The following EIF4ENIF1 variants were observed in gnomAD, a reference collection of about 807,000 sequenced individuals.
The protein encoded by EIF4ENIF1 is eukaryotic translation initiation factor 4E nuclear import factor 1.
Under a neutral mutation model 110.5 loss-of-function variants are expected in EIF4ENIF1, and 23 were observed. The observed-to-expected ratio is 0.21, with a 90% confidence interval of 0.15 to 0.29. The LOEUF (loss-of-function observed/expected upper bound fraction) is 0.29. EIF4ENIF1 is among the 10% of genes least tolerant of loss of function. The pLI is 1.00. For synonymous variants in EIF4ENIF1, 440 were observed against 437.0 expected, an observed-to-expected ratio of 1.01 and a Z score of -0.09; for missense variants, 1,031 against 1,221.1, an observed-to-expected ratio of 0.84 and a Z score of 2.32.
intron 10 of EIF4ENIF1, chr22:31,450,843 C>CA (rs1569073447): frequency 0.053 from 5,090 of 96,224 alleles, 101 homozygotes; most frequent in African/African-American, 0.081. Flanking sequence ...TATATATATA[C>CA]TACACACACA....
intron 2 of EIF4ENIF1, among the ~76,000 whole-genome samples, chr22:31,487,206 A>G (rs779616809): frequency 1.3e-5 from 2 of 152,238 alleles, no homozygotes; most frequent in Non-Finnish European, 2.9e-5. Context: ...GGTTTGAGAG[A>G]AAATATATTT....
intron 2 of EIF4ENIF1, among the ~76,000 whole-genome samples, chr22:31,485,415 A>G (rs2051980715): frequency 6.6e-6 from 1 of 152,242 alleles, no homozygotes; most frequent in Non-Finnish European, 1.5e-5. Flanking sequence ...GTAAGCATAA[A>G]GATAGAAACA....
intron 4 of EIF4ENIF1, among the ~76,000 whole-genome samples, chr22:31,464,372 A>C (rs1208154776): frequency 6.6e-6 from 1 of 152,048 alleles, no homozygotes; most frequent in Non-Finnish European, 1.5e-5. Context: ...TCCACAGACA[A>C]AGAAATGAAC....
In EIF4ENIF1 at chr22:31,455,866, A is replaced by G; in HGVS notation, c.1085T>C (p.Leu362Pro). The G allele has an allele frequency of 6.2e-7, 1 of 1,614,182 alleles. No homozygotes were observed. Among genetic ancestry groups the G allele is most frequent in the Non-Finnish European group, 8.5e-7 (1 of 1,180,018 alleles). ...AGCCATTTTACCTGCAAGTCTCTCTAGCTCTTCATGTGGTGTTGACCCAAG... is the reference window on the plus strand; with the variant it reads ...AGCCATTTTACCTGCAAGTCTCTCTGGCTCTTCATGTGGTGTTGACCCAAG... Reference protein sequence around the residue: ...SSLGSTPHEELERLAGLEQAI... With the variant: ...SSLGSTPHEEPERLAGLEQAI... Residue 362 changes from leucine to proline, a missense_variant, in exon 8 of 19, where the codon CTA becomes CCA. Physicochemically the swap from Leu to Pro is moderately conservative, Grantham distance 98. Coordinates refer to ENST00000330125, the MANE Select transcript of EIF4ENIF1 (RefSeq NM_019843.4).
At position 31,468,209 on chromosome 22, in the gene EIF4ENIF1, A is replaced by C. The variant is rs2051254265; in HGVS notation, c.264T>G (p.Asp88Glu). The part of the protein sequence containing the change: ...SPVESLKKEL[D>E]TDRPSLVRRI... ...TGCGCACCAGGGAAGGCCGGTCTGT[A>C]TCCAACTCTTTCTTCAGACTTTCCA... The change falls in exon 4 of 19, where the codon GAT becomes GAG. Residue 88 changes from aspartate (D) to glutamate (E), a missense_variant. By Grantham distance (45) the Asp-to-Glu change is conservative (BLOSUM62 2). Around this residue, in one of 3 missense-constraint regions of EIF4ENIF1, gnomAD observed 704 missense variants for 879.7 expected, o/e 0.80. Transcript: ENST00000330125. The C allele has an allele frequency of 6.2e-7, 1 of 1,614,160 alleles. No homozygotes were observed. The highest frequency in any genetic ancestry group is 2.2e-5 in the East Asian group (1 of 44,880).
At chr22:31,485,253 C>T (rs1464518881) in intron 2 of EIF4ENIF1, among the ~76,000 whole-genome samples, 1 of 152,142 alleles carries the variant, frequency 6.6e-6, no homozygotes, top group Non-Finnish European at 1.5e-5. Flanking sequence ...CTAAAAAATG[C>T]TTTTAACCAG....
intron 6 of EIF4ENIF1, among the ~76,000 whole-genome samples, chr22:31,461,236 C>A (rs2050983705): frequency 6.6e-6 from 1 of 152,172 alleles, no homozygotes; most frequent in South Asian, 2.1e-4. Context: ...CCAGGTTAGT[C>A]CCCACCTGGC....
At chr22:31,470,704 T>G (rs1012354046) in intron 3 of EIF4ENIF1, among the ~76,000 whole-genome samples, 8 of 148,310 alleles carry the variant, frequency 5.4e-5, no homozygotes, top group African/African-American at 2.0e-4. Flanking sequence ...TTTTTTTTTT[T>G]GAGATAGGAT....
At chr22:31,492,582 T>G (rs554602772), upstream of EIF4ENIF1, among the ~76,000 whole-genome samples, 1 of 152,310 alleles carries the variant, frequency 6.6e-6, no homozygotes, top group Non-Finnish European at 1.5e-5. Flanking sequence ...AAGAAGATGG[T>G]TATTACCTAG....
At chr22:31,446,468 C>G (rs2050482846) in intron 14 of EIF4ENIF1, among the ~76,000 whole-genome samples, 1 of 151,958 alleles carries the variant, frequency 6.6e-6, no homozygotes, top group Admixed American at 6.6e-5. Context: ...ATCTCCTGGT[C>G]TCAGTATCTT....
At chr22:31,438,071 A>C (rs185374349), downstream of EIF4ENIF1, among the ~76,000 whole-genome samples, 1 of 152,158 alleles carries the variant, frequency 6.6e-6, no homozygotes. Flanking sequence ...ATTCCCTAAC[A>C]AACGGTCAAG....
At chr22:31,490,246 C>T (rs897689373), upstream of EIF4ENIF1, among the ~76,000 whole-genome samples, 13 of 152,234 alleles carry the variant, frequency 8.5e-5, no homozygotes, top group African/African-American at 2.7e-4. Flanking sequence ...CTAGCACGGC[C>T]TGTGGCGCGA....
chr22:31,447,326 AC>A lies in EIF4ENIF1; in HGVS notation c.1988+99del. 5.7e-6 allele frequency: 8 copies of A among 1,402,620 alleles called. No individual in the cohort carries two copies. In the South Asian group the frequency reaches 1.0e-4, roughly 18 times the overall value. 86.9% of individuals were successfully genotyped at this position (1,402,620 alleles called of 1,614,324 possible). On this transcript the variant is annotated intron_variant, in intron 14 of 18. Coordinates refer to ENST00000330125, the MANE Select transcript of EIF4ENIF1 (RefSeq NM_019843.4). The stretch of plus-strand genomic sequence containing the variant: ...GGAATTTCTACCACATACTGAACAT[AC>A]CACAGTATGTACAACAGAATTATAC...
rs1797383785 is a variant in EIF4ENIF1 at position 31,455,954 on chromosome 22, A to G, written c.997T>C (p.Ser333Pro). ...AACCACCTACTGAACCGACTGGCAG[A>G]GACTGACCCTTCTCCCAAAACATCT... ...IEDVLGEGSV[S>P]ASRFSRWFSN... Residue 333 changes from serine (S) to proline (P), a missense_variant, in exon 8 of 19, where the codon TCT becomes CCT. Ser to Pro is a moderately conservative substitution (Grantham distance 74, BLOSUM62 -1). Around this residue, in one of 3 missense-constraint regions of EIF4ENIF1, gnomAD observed 704 missense variants for 879.7 expected, o/e 0.80. Coordinates refer to ENST00000330125, the MANE Select transcript of EIF4ENIF1 (RefSeq NM_019843.4). 6.2e-7 allele frequency: 1 copy of G among 1,614,190 alleles called. No individual in the cohort carries two copies. Among genetic ancestry groups the G allele is most frequent in the Non-Finnish European group, 8.5e-7 (1 of 1,180,020 alleles).
At chr22:31,444,756 A>G (rs1238668021) in intron 14 of EIF4ENIF1, 66 bp from the exon 15 acceptor site, 2 of 1,476,846 alleles carry the variant, frequency 1.4e-6, no homozygotes, top group Non-Finnish European at 1.9e-6. Context: ...AAACCATATA[A>G]TACTCAAGAC....
At position 31,441,877 on chromosome 22, in the gene EIF4ENIF1, A is replaced by G; in HGVS notation, c.2448T>C (p.His816=). 3 of 1,614,180 alleles carry G rather than the reference A, an allele frequency of 1.9e-6. No individual in the cohort carries two copies. The highest frequency in any genetic ancestry group is 2.5e-6 in the Non-Finnish European group (3 of 1,180,020). ...GGTGAGCAGGCCTAACCATAGGGAC[A>G]TGGGGGACAAGGGGAACTTGGTGGA... ...RPVHQVPLVP[H]VPMVRPAHQL... Residue 816 remains histidine, a synonymous_variant, in exon 17 of 19, where the codon CAT becomes CAC. Coordinates refer to ENST00000330125, the MANE Select transcript of EIF4ENIF1 (RefSeq NM_019843.4).
At chr22:31,441,550 GAAAAAAAAAAAA>G (rs771597260) in intron 17 of EIF4ENIF1, among the ~76,000 whole-genome samples, 1 of 65,260 alleles carries the variant, frequency 1.5e-5, no homozygotes, top group African/African-American at 5.9e-5. Context: ...CTACAAAAAG[GAAAAAAAAAAAA>G]AAAAAAAAAA....
chr22:31,488,872 C>T (rs1271915545), intron 1 of EIF4ENIF1, 127 bp from the exon 2 acceptor site: 3 of 1,031,960 alleles, frequency 2.9e-6, no homozygotes, highest in East Asian at 2.6e-5. Flanking sequence ...AGTCCCCACC[C>T]CAAAATTATG....
chr22:31,468,168 T>A lies in EIF4ENIF1; in HGVS notation c.298+7A>T. ...CTAACCCCACTTCTGAGTGACTGTG[T>A]GCTCACCTACTATCCTGCGCACCAG... On this transcript the variant is annotated splice_region_variant and intron_variant, in intron 4 of 18. Transcript: ENST00000330125. 6.2e-7 allele frequency: 1 copy of A among 1,613,404 alleles called. No individual in the cohort carries two copies.
Sources: allele counts gnomAD v4.1 joint callset (sites outside exome capture counted in the v4.1 genomes callset), GRCh38; gene constraint gnomAD v4.1.1; regional missense constraint gnomAD v4.1.1; transcripts MANE v1.5; gene names NCBI Gene and HGNC (gene_info 2026-07-23, HGNC 2026-07-21).